The following LASP1 variants were observed in gnomAD, a reference collection of about 807,000 sequenced individuals.
LASP1 encodes LIM and SH3 protein 1.
Under a neutral mutation model 38.6 loss-of-function variants are expected in LASP1, and 10 were observed. That is an observed-to-expected ratio of 0.26 (90% CI 0.16 to 0.44). LASP1 has a LOEUF of 0.44. Ranked by LOEUF, LASP1 falls within the 20% of genes least tolerant of loss-of-function variation. The pLI is 1.00. For synonymous variants in LASP1, 132 were observed against 140.8 expected (o/e 0.94, Z 0.44); for missense variants, 243 against 375.7 (o/e 0.65, Z 2.92).
At chr17:38,914,073 C>G (rs576994208) in intron 4 of LASP1, among the ~76,000 whole-genome samples, 24 of 151,884 alleles carry the variant, frequency 1.6e-4, no homozygotes, top group Admixed American at 1.3e-3. Flanking sequence ...CCTTTTACAT[C>G]GGTCATTTCA....
intron 4 of LASP1, among the ~76,000 whole-genome samples, chr17:38,899,644 C>G (rs1914585743): frequency 6.6e-6 from 1 of 152,082 alleles, no homozygotes; most frequent in South Asian, 2.1e-4. Flanking sequence ...GTAAAATATA[C>G]ATTGTACGTC....
At chr17:38,912,130 C>T (rs1204821317) in intron 4 of LASP1, among the ~76,000 whole-genome samples, 1 of 152,200 alleles carries the variant, frequency 6.6e-6, no homozygotes, top group Admixed American at 6.5e-5. Flanking sequence ...GTTCTTGCTG[C>T]CTCAAGAACT....
chr17:38,891,796 G>C (rs545896054), intron 3 of LASP1, among the ~76,000 whole-genome samples: 1 of 152,234 alleles, frequency 6.6e-6, no homozygotes, highest in Non-Finnish European at 1.5e-5. Flanking sequence ...ATGCTGTTGA[G>C]AAGTTTTGTA....
chr17:38,889,851 C>T (rs1334248504), intron 2 of LASP1, among the ~76,000 whole-genome samples: 1 of 152,222 alleles, frequency 6.6e-6, no homozygotes, highest in Non-Finnish European at 1.5e-5. Flanking sequence ...ACCTACCCTC[C>T]AGTTAGGTTG....
In LASP1 at chr17:38,918,879, C is replaced by T. The variant is rs779136869; in HGVS notation, c.*101C>T. 2.3e-5 allele frequency: 30 copies of T among 1,328,482 alleles called. No individual in the cohort carries two copies. The highest frequency in any genetic ancestry group is 4.0e-5 in the South Asian group (3 of 75,628). 82.3% of individuals were successfully genotyped at this position (1,328,482 alleles called of 1,614,324 possible). A position where few individuals can be genotyped will look rare whatever the true frequency, so the allele number is the denominator to read the frequency against. On this transcript the variant is annotated 3_prime_UTR_variant, in exon 7 of 7. Transcript: ENST00000318008. The surrounding 1 kb of genome is among the most constrained non-coding windows in gnomAD (Gnocchi z 4.4). ...CAGTGTCTCTGTTTTTTAAAACCTG[C>T]GACAGCTTGTGATTCCTACCCCTCT...
At position 38,918,821 on chromosome 17, in the gene LASP1, C is replaced by G; in HGVS notation, c.*43C>G. 1 of 1,602,288 alleles carries G rather than the reference C, an allele frequency of 6.2e-7. No individual in the cohort carries two copies. Among genetic ancestry groups the G allele is most frequent in the African/African-American group, 1.3e-5 (1 of 74,918 alleles). ...CTGTCTTCAGCACATTCCACGGCAT[C>G]GCATCCGTCCTGGGCGTGACCCGTC... On this transcript the variant is annotated 3_prime_UTR_variant, in exon 7 of 7. Coordinates refer to ENST00000318008, the MANE Select transcript of LASP1 (RefSeq NM_006148.4). This position sits in a 1 kb window ranked among gnomAD's most constrained non-coding sequence, Gnocchi z 4.4.
chr17:38,905,963 G>A (rs1914767444), intron 4 of LASP1, among the ~76,000 whole-genome samples: 1 of 152,156 alleles, frequency 6.6e-6, no homozygotes, highest in Non-Finnish European at 1.5e-5. Flanking sequence ...GAGCGGCTGA[G>A]GTGGTAAGAT....
chr17:38,914,242 C>T (rs1915041172), intron 4 of LASP1, 83 bp from the exon 5 acceptor site: 11 of 1,508,890 alleles, frequency 7.3e-6, no homozygotes, highest in South Asian at 2.4e-5. Context: ...GTAGTCTCTC[C>T]CATCCTGGGA....
chr17:38,894,489 G>A (rs113040747), intron 3 of LASP1, among the ~76,000 whole-genome samples: 3,272 of 152,238 alleles, frequency 0.021, 132 homozygotes, highest in African/African-American at 0.074. Flanking sequence ...CAGTGCCTTC[G>A]TCTGAATAAT....
At position 38,876,969 on chromosome 17, in the gene LASP1, C is replaced by T. The variant is rs150250229; in HGVS notation, c.70-1117C>T. Reference sequence around the variant, plus strand: ...CCGCCCGCCTCGGCCTCCCAAAGTGCGGGATTACAGGCGTGAGCCACCGTG... The same window carrying T: ...CCGCCCGCCTCGGCCTCCCAAAGTGTGGGATTACAGGCGTGAGCCACCGTG... On this transcript the variant is annotated intron_variant, in intron 1 of 6. Coordinates refer to ENST00000318008, the MANE Select transcript of LASP1 (RefSeq NM_006148.4). 1.9e-3 allele frequency among the ~76,000 whole-genome samples: 284 copies of T among 151,616 alleles called. 2 individuals are homozygous for T. Among genetic ancestry groups the T allele is most frequent in the East Asian group, 0.013 (65 of 5,098 alleles).
At chr17:38,898,329 T>C in intron 3 of LASP1, 83 bp from the exon 4 acceptor site, 6 of 788,698 alleles carry the variant, frequency 7.6e-6, no homozygotes, top group Non-Finnish European at 1.2e-5. Flanking sequence ...GTCTCCTGAC[T>C]GGTTGCTGCC....
At chr17:38,877,021 G>A (rs937328880) in intron 1 of LASP1, among the ~76,000 whole-genome samples, 3 of 152,188 alleles carry the variant, frequency 2.0e-5, no homozygotes, top group African/African-American at 7.2e-5. Flanking sequence ...ATTCTCACAC[G>A]CATGAATGGA....
At position 38,918,992 on chromosome 17, in the gene LASP1, G is replaced by A. The variant is rs1915219904; in HGVS notation, c.*214G>A. On this transcript the variant is annotated 3_prime_UTR_variant, in exon 7 of 7. Coordinates refer to ENST00000318008, the MANE Select transcript of LASP1 (RefSeq NM_006148.4). The surrounding 1 kb of genome is among the most constrained non-coding windows in gnomAD (Gnocchi z 4.4). ...GGCTTCCCCCTTGATCGACTTCTTG[G>A]TTTTCTCTCTGGATGGAACGGGCAT... is the stretch of plus-strand genomic sequence containing the variant. 2 of 609,484 alleles carry A rather than the reference G, an allele frequency of 3.3e-6. No homozygotes were observed. The highest frequency in any genetic ancestry group is 2.9e-5 in the East Asian group (1 of 34,912). The allele number at this position is 609,484 out of a possible 1,614,324, so 37.8% of individuals were successfully genotyped here.
In LASP1 at chr17:38,877,260, A is replaced by C. The variant is rs187036635; in HGVS notation, c.70-826A>C. ...TATTACATCCATTGTACACACCAGGAAGTGGGCTCCTCTGAGGTGCAGGGC... is the reference window on the plus strand; with the variant it reads ...TATTACATCCATTGTACACACCAGGCAGTGGGCTCCTCTGAGGTGCAGGGC... On this transcript the variant is annotated intron_variant, in intron 1 of 6. Transcript: ENST00000318008. Among the ~76,000 whole-genome samples, 154 of 152,302 alleles carry C rather than the reference A, an allele frequency of 1.0e-3. No individual in the cohort carries two copies. In the Middle Eastern group the frequency reaches 0.01, roughly 10 times the overall value.
At chr17:38,885,314 T>C (rs1914086939) in intron 2 of LASP1, among the ~76,000 whole-genome samples, 1 of 152,032 alleles carries the variant, frequency 6.6e-6, no homozygotes, top group African/African-American at 2.4e-5. Context: ...GTGTGGTGGG[T>C]TTTGAGAGAG....
chr17:38,904,061 AC>A (rs1270630262), intron 4 of LASP1: 2 of 152,274 alleles, frequency 1.3e-5, no homozygotes, highest in South Asian at 2.1e-4. Flanking sequence ...TGTCCTTAAA[AC>A]TTTTTTTATG....
At chr17:38,896,872 T>C in intron 3 of LASP1, 5 of 980,848 alleles carry the variant, frequency 5.1e-6, no homozygotes, top group Non-Finnish European at 6.1e-6. Flanking sequence ...CCCCATATTA[T>C]ACCTGATTTC....
In LASP1 at chr17:38,899,887, C is replaced by T. The variant is rs191984729; in HGVS notation, c.357+1368C>T. Among the ~76,000 whole-genome samples the T allele has an allele frequency of 1.1e-3, 169 of 151,818 alleles. 1 individual carries two copies. The highest frequency in any genetic ancestry group is 1.8e-3 in the Non-Finnish European group (123 of 67,918). On this transcript the variant is annotated intron_variant, in intron 4 of 6. Coordinates refer to ENST00000318008, the MANE Select transcript of LASP1 (RefSeq NM_006148.4). ...TGGGATTACAGGTGCACACCACCAC[C>T]CCCGGCCAATTTTTGTATTTTTGGT...
Position 38,919,268 on chromosome 17 carries a change from GCTCTA to G in LASP1, c.*492_*496del. On this transcript the variant is annotated 3_prime_UTR_variant, in exon 7 of 7. Coordinates refer to ENST00000318008, the MANE Select transcript of LASP1 (RefSeq NM_006148.4). ...CGCTGTGTAGGGACCAGTGGGATGGGCTCTACCTCTCTTTCTCAAAGAGGGGGCTC... is the reference window on the plus strand; with the variant it reads ...CGCTGTGTAGGGACCAGTGGGATGGGCCTCTCTTTCTCAAAGAGGGGGCTC... 4.1e-6 allele frequency: 1 copy of G among 242,452 alleles called. No individual in the cohort carries two copies. The highest frequency in any genetic ancestry group is 5.9e-5 in the East Asian group (1 of 16,842). The allele number at this position is 242,452 out of a possible 1,614,324, so 15.0% of individuals were successfully genotyped here.
Sources: allele counts gnomAD v4.1 joint callset (sites outside exome capture counted in the v4.1 genomes callset), GRCh38; gene constraint gnomAD v4.1.1; non-coding constraint Gnocchi (gnomAD v3.1); transcripts MANE v1.5; gene names NCBI Gene and HGNC (gene_info 2026-07-23, HGNC 2026-07-21).